The following PPFIA1 variants were observed in gnomAD, a reference collection of about 807,000 sequenced individuals.
PPFIA1 encodes the protein liprin-alpha-1.
Under a neutral mutation model 149.9 loss-of-function variants are expected in PPFIA1, and 25 were observed. The ratio of observed to expected loss-of-function variants is 0.17; its 90% confidence interval spans 0.12 to 0.23. The LOEUF (loss-of-function observed/expected upper bound fraction) is 0.23, where lower values mean the gene tolerates loss of function less well. PPFIA1 is among the 10% of genes least tolerant of loss of function. The pLI is 1.00. For synonymous variants in PPFIA1, 549 were observed against 552.8 expected, an observed-to-expected ratio of 0.99 and a Z score of 0.10; for missense variants, 1,362 against 1,506.5, an observed-to-expected ratio of 0.90 and a Z score of 1.59.
intron 21 of PPFIA1, among the ~76,000 whole-genome samples, chr11:70,370,185 A>G (rs998446853): frequency 4.6e-5 from 7 of 151,758 alleles, no homozygotes; most frequent in African/African-American, 1.7e-4. Context: ...TTCATTCTTG[A>G]TAGTGGTGAT....
rs146522399 is a variant in PPFIA1, at chr11:70,376,567, T to C, written c.3351T>C (p.Leu1117=). 2.0e-5 allele frequency: 33 copies of C among 1,613,974 alleles called. No individual in the cohort carries two copies. Among genetic ancestry groups the C allele is most frequent in the Non-Finnish European group, 2.7e-5 (32 of 1,179,902 alleles). The part of the protein sequence containing the change: ...RAVLEREFNN[L]LVMGTDRRFD... ...TCTTGGAAAGAGAATTTAACAACCTTTTGGTCATGGGGACTGATAGAAGGT... is the reference window on the plus strand; with the variant it reads ...TCTTGGAAAGAGAATTTAACAACCTCTTGGTCATGGGGACTGATAGAAGGT... The change falls in exon 25 of 28, where the codon CTT becomes CTC. Residue 1117 remains leucine, a synonymous_variant. Transcript: ENST00000253925.
In PPFIA1 at chr11:70,348,438, C is replaced by G. The variant is rs1347260573; in HGVS notation, c.2163+18C>G. 6 of 1,563,830 alleles carry G rather than the reference C, an allele frequency of 3.8e-6. No individual in the cohort carries two copies. ...TGACCCTTGTACGTATCCGCCCTTT[C>G]CCTGCTGTGGCTGCCCTCAGCATAC... is the stretch of plus-strand genomic sequence containing the variant. On this transcript the variant is annotated intron_variant, in intron 16 of 27. Transcript: ENST00000253925.
intron 2 of PPFIA1, among the ~76,000 whole-genome samples, chr11:70,298,333 C>T (rs1297299478): frequency 6.6e-6 from 1 of 152,142 alleles, no homozygotes; most frequent in Non-Finnish European, 1.5e-5. Context: ...AAAGGTTTTA[C>T]ATCGGAAAGA....
chr11:70,284,673 T>C (rs1464853894), intron 2 of PPFIA1, among the ~76,000 whole-genome samples: 2 of 152,154 alleles, frequency 1.3e-5, no homozygotes, highest in African/African-American at 4.8e-5. Context: ...TTCGAGGGGA[T>C]TGGCTTAGAG....
chr11:70,295,286 C>T (rs1179618109), intron 2 of PPFIA1, among the ~76,000 whole-genome samples: 1 of 119,766 alleles, frequency 8.3e-6, no homozygotes, highest in Non-Finnish European at 1.7e-5. Context: ...GAGGGGCTGA[C>T]CCCCCCACCT....
In PPFIA1 at chr11:70,348,341, C is replaced by A; in HGVS notation, c.2084C>A (p.Pro695Gln). The change falls in exon 16 of 28, where the codon CCG becomes CAG. Residue 695 changes from proline (P) to glutamine (Q), a missense_variant. Around this residue, in one of 7 missense-constraint regions of PPFIA1, gnomAD observed 733 missense variants for 744.1 expected, o/e 0.99. Transcript: ENST00000253925. ...PASSLASSSP[P>Q]GSGRSTPRRI... ...TCCTCGCTTGCTAGCTCCTCCCCTC[C>A]GGGCAGTGGGCGCTCCACCCCACGA... The A allele has an allele frequency of 6.2e-7, 1 of 1,614,146 alleles. No individual in the cohort carries two copies. Among genetic ancestry groups the A allele is most frequent in the Non-Finnish European group, 8.5e-7 (1 of 1,179,998 alleles).
At chr11:70,346,016 A>G (rs1365203090) in intron 15 of PPFIA1, 2 of 448,390 alleles carry the variant, frequency 4.5e-6, no homozygotes, top group East Asian at 7.0e-5. Context: ...GCAGGTTTGA[A>G]TCTTTCTTGT....
rs757026360 is a variant in PPFIA1, at chr11:70,326,333, A to G, written c.678A>G (p.Glu226=). ...ATGGAGTGCTGGACATAAACCATGA[A>G]CAAGAAAATACACCAAGCACGAGTG... ...LTDGVLDINH[E]QENTPSTSGK... Residue 226 remains glutamate (E), a synonymous_variant, in exon 6 of 28, where the codon GAA becomes GAG. Transcript: ENST00000253925. 5 of 1,606,742 alleles carry G rather than the reference A, an allele frequency of 3.1e-6. No individual in the cohort carries two copies. Among genetic ancestry groups the G allele is most frequent in the Middle Eastern group, 1.7e-4 (1 of 6,044 alleles).
chr11:70,277,071 T>TC (rs2050454117), intron 2 of PPFIA1, among the ~76,000 whole-genome samples: 2 of 143,552 alleles, frequency 1.4e-5, no homozygotes, highest in Admixed American at 1.4e-4. Flanking sequence ...TTTTTTTTTT[T>TC]CCAGGCACAG....
chr11:70,295,324 C>T (rs531385401), intron 2 of PPFIA1, among the ~76,000 whole-genome samples: 2,350 of 113,312 alleles, frequency 0.021, 123 homozygotes, highest in Non-Finnish European at 0.031. Flanking sequence ...GCTGGCTGGG[C>T]GGGGGGCTGA....
intron 2 of PPFIA1, among the ~76,000 whole-genome samples, chr11:70,290,988 T>C (rs1261817756): frequency 6.6e-6 from 1 of 152,198 alleles, no homozygotes. Context: ...CAGGTTCAAA[T>C]GGCTCTCCTG....
chr11:70,280,477 G>C (rs1232963785), intron 2 of PPFIA1, among the ~76,000 whole-genome samples: 9 of 152,096 alleles, frequency 5.9e-5, no homozygotes, highest in Admixed American at 5.9e-4. Context: ...GCTGAGGCAG[G>C]AGACTCACTT....
intron 21 of PPFIA1, among the ~76,000 whole-genome samples, chr11:70,368,724 T>A (rs2057080341): frequency 6.6e-6 from 1 of 152,256 alleles, no homozygotes; most frequent in African/African-American, 2.4e-5. Context: ...ATCCTGCAAC[T>A]TTGCTTAAAC....
intron 9 of PPFIA1, chr11:70,333,205 T>C: frequency 1.8e-6 from 1 of 554,982 alleles, no homozygotes; most frequent in Admixed American, 2.3e-5. Context: ...CCATTGAGAT[T>C]GGGCATAGGG....
At chr11:70,365,533 C>T (rs2135282914) in intron 21 of PPFIA1, 1 of 430,874 alleles carries the variant, frequency 2.3e-6, no homozygotes, top group Non-Finnish European at 4.7e-6. Flanking sequence ...ATGTTGTTTT[C>T]CATTCAGTCG....
At chr11:70,341,066 G>A in intron 14 of PPFIA1, 1 of 342,760 alleles carries the variant, frequency 2.9e-6, no homozygotes, top group Non-Finnish European at 5.6e-6. Flanking sequence ...TTTGAGTGAG[G>A]TGCTGAGTCC....
intron 21 of PPFIA1, chr11:70,367,603 G>T (rs1317714944): frequency 2.2e-6 from 1 of 455,214 alleles, no homozygotes; most frequent in Non-Finnish European, 4.4e-6. Context: ...TTTTCCAGAA[G>T]GCTGCTAAGG....
intron 8 of PPFIA1, 76 bp from the exon 9 acceptor site, chr11:70,331,884 C>A: frequency 6.8e-7 from 1 of 1,469,830 alleles, no homozygotes; most frequent in South Asian, 1.4e-5. Flanking sequence ...ATCTGCATTT[C>A]AGTTTGTTTC....
At chr11:70,321,411 C>T (rs1051013742) in intron 2 of PPFIA1, 8 of 152,168 alleles carry the variant, frequency 5.3e-5, no homozygotes, top group Non-Finnish European at 1.0e-4. Flanking sequence ...GACCCCAATT[C>T]CTCTATGCTC....
Sources: gnomAD v4.1 joint callset for allele counts (sites outside exome capture counted in the v4.1 genomes callset) on GRCh38, gnomAD v4.1.1 for gene constraint, gnomAD v4.1.1 regional missense constraint, MANE v1.5 for transcripts, NCBI Gene and HGNC (gene_info 2026-07-23, HGNC 2026-07-21) for gene names.